Variants in INPP4B observed in about 807,000 individuals in gnomAD.
The protein encoded by INPP4B is inositol polyphosphate-4-phosphatase type II B.
Under a neutral mutation model 122.5 loss-of-function variants are expected in INPP4B, and 55 were observed. That is an observed-to-expected ratio of 0.45 (90% CI 0.36 to 0.56). INPP4B has a LOEUF of 0.56. INPP4B is among the 20% of genes least tolerant of loss of function. The pLI is 0.00. For missense variants in INPP4B, 1,000 were observed against 1,097.7 expected (o/e 0.91, Z 1.26); for synonymous variants, 403 against 388.7 (o/e 1.04, Z -0.43).
chr4:142,208,900 T>C lies in INPP4B; in HGVS notation c.963A>G (p.Glu321=). Residue 321 remains glutamate (E), a synonymous_variant, in exon 13 of 26, where the codon GAA becomes GAG. Transcript: ENST00000262992. Reference sequence around the variant, plus strand: ...GTAGAGAAATTGCTTCCACACCTGTTTCCTTGCTAAGTTCTGTCAGAATGT... The same window carrying C: ...GTAGAGAAATTGCTTCCACACCTGTCTCCTTGCTAAGTTCTGTCAGAATGT... ...YQDILTELSK[E]TGSSFKSSSS... The C allele has an allele frequency of 1.3e-6, 2 of 1,563,564 alleles. No individual in the cohort carries two copies. The highest frequency in any genetic ancestry group is 2.5e-5 in the South Asian group (2 of 79,512).
At chr4:142,476,483 T>C (rs1819791812) in intron 2 of INPP4B, among the ~76,000 whole-genome samples, 1 of 152,080 alleles carries the variant, frequency 6.6e-6, no homozygotes, top group African/African-American at 2.4e-5. Flanking sequence ...ACCTTAAATG[T>C]AAATGGACTG....
chr4:142,763,690 C>T (rs1354061609), intron 1 of INPP4B, among the ~76,000 whole-genome samples: 1 of 152,060 alleles, frequency 6.6e-6, no homozygotes, highest in Non-Finnish European at 1.5e-5. Flanking sequence ...TAGTAACCAC[C>T]AGTGTGCTAG....
intron 7 of INPP4B, among the ~76,000 whole-genome samples, chr4:142,358,927 T>C (rs1784506801): frequency 6.6e-6 from 1 of 152,000 alleles, no homozygotes; most frequent in Admixed American, 6.6e-5. Flanking sequence ...TCCTTATTTG[T>C]TGGAGCAATC....
At chr4:142,209,274 A>C (rs1052736843) in intron 12 of INPP4B, among the ~76,000 whole-genome samples, 7 of 152,178 alleles carry the variant, frequency 4.6e-5, no homozygotes, top group African/African-American at 1.7e-4. Context: ...TTCCCTGATA[A>C]ATTTTTCACA....
At chr4:142,719,050 A>C (rs531208444) in intron 2 of INPP4B, among the ~76,000 whole-genome samples, 51 of 152,276 alleles carry the variant, frequency 3.3e-4, no homozygotes, top group African/African-American at 1.1e-3. Context: ...TGTTTTTATA[A>C]TTATCTTTAC....
intron 2 of INPP4B, among the ~76,000 whole-genome samples, chr4:142,596,109 T>C (rs1307678032): frequency 6.6e-6 from 1 of 152,110 alleles, no homozygotes; most frequent in African/African-American, 2.4e-5. Flanking sequence ...CTTCCCAAAG[T>C]GCTGGGATTA....
At chr4:142,281,983 G>A (rs564554570) in intron 9 of INPP4B, among the ~76,000 whole-genome samples, 12 of 151,856 alleles carry the variant, frequency 7.9e-5, no homozygotes, top group South Asian at 2.1e-4. Context: ...ACTATTAAAC[G>A]CTAATCCATG....
At chr4:142,280,540 G>T (rs748096198) in intron 9 of INPP4B, among the ~76,000 whole-genome samples, 3 of 151,908 alleles carry the variant, frequency 2.0e-5, no homozygotes, top group Non-Finnish European at 4.4e-5. Flanking sequence ...GTTGGTGTGG[G>T]TGTGAAGGGG....
intron 1 of INPP4B, among the ~76,000 whole-genome samples, chr4:142,786,940 T>G (rs1036759028): frequency 6.6e-6 from 1 of 151,910 alleles, no homozygotes; most frequent in Admixed American, 6.6e-5. Flanking sequence ...TCGGATAGAA[T>G]CCCGGAAAAT....
chr4:142,405,165 G>T (rs747496807), intron 6 of INPP4B, 41 bp downstream of exon 6: 1 of 936,888 alleles, frequency 1.1e-6, no homozygotes. Context: ...CAGCAAGAGA[G>T]AGAGAGAGAG....
intron 18 of INPP4B, among the ~76,000 whole-genome samples, chr4:142,129,021 A>G (rs1799987618): frequency 6.6e-6 from 1 of 152,236 alleles, no homozygotes; most frequent in Admixed American, 6.5e-5. Context: ...CCGTTATCGC[A>G]ACCTTTCAGA....
chr4:142,220,500 A>C (rs894658064), intron 12 of INPP4B, among the ~76,000 whole-genome samples: 2 of 152,234 alleles, frequency 1.3e-5, no homozygotes, highest in African/African-American at 4.8e-5. Context: ...TTTGCCATTC[A>C]TAACAATTCA....
intron 2 of INPP4B, among the ~76,000 whole-genome samples, chr4:142,652,459 A>G (rs1267532918): frequency 6.6e-6 from 1 of 152,198 alleles, no homozygotes; most frequent in African/African-American, 2.4e-5. Context: ...ATGATTGTAT[A>G]TTTAGAAAAC....
intron 7 of INPP4B, among the ~76,000 whole-genome samples, chr4:142,328,040 T>A (rs1451437939): frequency 6.6e-6 from 1 of 152,146 alleles, no homozygotes; most frequent in Non-Finnish European, 1.5e-5. Flanking sequence ...GAGGGAATTG[T>A]GATAGTGGCA....
intron 2 of INPP4B, among the ~76,000 whole-genome samples, chr4:142,631,800 G>A (rs2150425883): frequency 6.6e-6 from 1 of 152,148 alleles, no homozygotes; most frequent in Middle Eastern, 3.4e-3. Flanking sequence ...AAAAATACAT[G>A]CCAACCTAGA....
At chr4:142,315,307 T>C (rs1767115131) in intron 7 of INPP4B, among the ~76,000 whole-genome samples, 1 of 152,166 alleles carries the variant, frequency 6.6e-6, no homozygotes, top group African/African-American at 2.4e-5. Flanking sequence ...AGGATATCTT[T>C]CCCACTTGAG....
At chr4:142,413,558 A>G (rs1469938012) in intron 5 of INPP4B, among the ~76,000 whole-genome samples, 1 of 152,192 alleles carries the variant, frequency 6.6e-6, no homozygotes, top group African/African-American at 2.4e-5. Context: ...GATAATACAT[A>G]AAACATGCAA....
intron 25 of INPP4B, among the ~76,000 whole-genome samples, chr4:142,051,986 T>A (rs1754854117): frequency 6.6e-6 from 1 of 151,994 alleles, no homozygotes; most frequent in Admixed American, 6.6e-5. Flanking sequence ...GTAAAGGTAA[T>A]AACACCGTTC....
intron 15 of INPP4B, among the ~76,000 whole-genome samples, chr4:142,175,261 C>T (rs979660069): frequency 6.6e-6 from 1 of 152,112 alleles, no homozygotes; most frequent in Non-Finnish European, 1.5e-5. Flanking sequence ...AAACCTCAGA[C>T]ACCACTAGGA....
Sources: allele counts gnomAD v4.1 joint callset (sites outside exome capture counted in the v4.1 genomes callset), GRCh38; gene constraint gnomAD v4.1.1; transcripts MANE v1.5; gene names NCBI Gene and HGNC (gene_info 2026-07-23, HGNC 2026-07-21).